RIBC2: variants seen among roughly 807,000 people sequenced by gnomAD.
RIBC2 encodes the protein RIB43A domain with coiled-coils 2, also known as RIB43A-like with coiled-coils protein 2.
RIBC2 carries 40 observed loss-of-function variants against 44.3 expected under a neutral mutation model. The ratio of observed to expected loss-of-function variants is 0.90; its 90% confidence interval spans 0.70 to 1.18. RIBC2 has a LOEUF of 1.18. Ranked by LOEUF, RIBC2 falls within the 50% of genes most tolerant of loss-of-function variation. The pLI, the probability that RIBC2 is intolerant of heterozygous loss-of-function variation, is 0.00. For synonymous variants in RIBC2, 171 were observed against 175.0 expected (o/e 0.98, Z 0.18); for missense variants, 459 against 485.5 (o/e 0.95, Z 0.51).
At chr22:45,430,444 G>T (rs1353845263) in intron 5 of RIBC2, among the ~76,000 whole-genome samples, 8 of 152,202 alleles carry the variant, frequency 5.3e-5, no homozygotes, top group Non-Finnish European at 1.2e-4. Flanking sequence ...ACCGGGTGAG[G>T]CTGTGGTGTC....
intron 3 of RIBC2, among the ~76,000 whole-genome samples, chr22:45,421,155 C>T (rs1030584022): frequency 3.3e-5 from 5 of 151,816 alleles, no homozygotes; most frequent in Admixed American, 1.3e-4. Flanking sequence ...ATTAGCTGGG[C>T]GTGGTGGTGC....
rs751080202 is a variant in RIBC2 at position 45,431,013 on chromosome 22, G to A, written c.1017G>A (p.Leu339=). Reference sequence around the variant, plus strand: ...AGCAGTGGCGGCGGCAGCGCGACCTGCGCAGAGCTCTGGACAGCAGCAACC... The same window carrying A: ...AGCAGTGGCGGCGGCAGCGCGACCTACGCAGAGCTCTGGACAGCAGCAACC... The part of the protein sequence containing the change: ...ERQQWRRQRD[L]RRALDSSNLS... The change falls in exon 6 of 7, where the codon CTG becomes CTA. Residue 339 remains leucine, a synonymous_variant. Coordinates refer to ENST00000614167, the MANE Select transcript of RIBC2 (RefSeq NM_015653.5). 1 of 1,590,112 alleles carries A rather than the reference G, an allele frequency of 6.3e-7. No individual in the cohort carries two copies. The highest frequency in any genetic ancestry group is 8.6e-7 in the Non-Finnish European group (1 of 1,168,908).
chr22:45,426,190 C>T lies in RIBC2; in HGVS notation c.903+15C>T. On this transcript the variant is annotated intron_variant, in intron 5 of 6. Transcript: ENST00000614167. ...AGGAGAAGCTGGTGACTGCCCCGCCCCTTTTTCCAGAGCCCATAGAGCCAG... is the reference window on the plus strand; with the variant it reads ...AGGAGAAGCTGGTGACTGCCCCGCCTCTTTTTCCAGAGCCCATAGAGCCAG... 6.2e-7 allele frequency: 1 copy of T among 1,605,804 alleles called. No homozygotes were observed. The highest frequency in any genetic ancestry group is 8.5e-7 in the Non-Finnish European group (1 of 1,175,282).
chr22:45,426,274 G>A, intron 5 of RIBC2, 99 bp downstream of exon 5: 1 of 1,061,842 alleles, frequency 9.4e-7, no homozygotes. Flanking sequence ...CTTGTGCTCT[G>A]CCCTAGCACC....
chr22:45,430,940 A>T lies in RIBC2; in HGVS notation c.944A>T (p.Asp315Val). The change falls in exon 6 of 7, where the codon GAC (aspartate) becomes GTC (valine). Residue 315 changes from aspartate (D) to valine (V), a missense_variant. Coordinates refer to ENST00000614167, the MANE Select transcript of RIBC2 (RefSeq NM_015653.5). Reference protein sequence around the residue: ...EEKRQRDLDWDRRRIQGARAT... With the variant: ...EEKRQRDLDWVRRRIQGARAT... Reference sequence around the variant, plus strand: ...AAGCGCCAGCGAGACCTGGACTGGGACCGGCGGAGGATTCAGGGGGCTCGC... The same window carrying T: ...AAGCGCCAGCGAGACCTGGACTGGGTCCGGCGGAGGATTCAGGGGGCTCGC... 6.2e-7 allele frequency: 1 copy of T among 1,610,152 alleles called. No homozygotes were observed. Among genetic ancestry groups the T allele is most frequent in the East Asian group, 2.2e-5 (1 of 44,714 alleles).
intron 4 of RIBC2, 121 bp from the exon 5 acceptor site, chr22:45,425,827 G>A: frequency 8.6e-6 from 7 of 811,278 alleles, no homozygotes; most frequent in Non-Finnish European, 1.2e-5. Context: ...CCCTCCACCC[G>A]ACTCCTGCTG....
At chr22:45,414,105 A>G in intron 1 of RIBC2, 90 bp downstream of exon 1, 1 of 1,510,784 alleles carries the variant, frequency 6.6e-7, no homozygotes, top group Non-Finnish European at 8.9e-7. Flanking sequence ...TCTAGGATGA[A>G]ACATCTGAGC....
intron 6 of RIBC2, among the ~76,000 whole-genome samples, chr22:45,431,697 C>T (rs1270624789): frequency 2.6e-5 from 4 of 152,110 alleles, no homozygotes. Context: ...GGGCTGGGCT[C>T]GGTGGCTCAC....
At chr22:45,414,095 T>G in intron 1 of RIBC2, 80 bp downstream of exon 1, 1 of 1,439,804 alleles carries the variant, frequency 6.9e-7, no homozygotes. Context: ...GGAGATGAGT[T>G]CTAGGATGAA....
intron 5 of RIBC2, among the ~76,000 whole-genome samples, chr22:45,430,505 C>T (rs1569212120): frequency 6.6e-6 from 1 of 152,144 alleles, no homozygotes; most frequent in Non-Finnish European, 1.5e-5. Context: ...GTGGGGCAGC[C>T]GGCCATGGCT....
In RIBC2 at chr22:45,413,707, C is replaced by T; in HGVS notation, c.-180C>T. 1 of 1,166,498 alleles carries T rather than the reference C, an allele frequency of 8.6e-7. No individual in the cohort carries two copies. The highest frequency in any genetic ancestry group is 1.2e-6 in the Non-Finnish European group (1 of 821,262). The allele number at this position is 1,166,498 out of a possible 1,614,324, so 72.3% of individuals were successfully genotyped here. Reference sequence around the variant, plus strand: ...CTTAGCAACGAGTTGTTGACATTTCCGAGAGAGCGGGAGCGTCTGTACCTC... The same window carrying T: ...CTTAGCAACGAGTTGTTGACATTTCTGAGAGAGCGGGAGCGTCTGTACCTC... On this transcript the variant is annotated 5_prime_UTR_variant, in exon 1 of 7. Transcript: ENST00000614167.
In RIBC2 at chr22:45,417,700, C is replaced by G. The variant is rs2087438433; in HGVS notation, c.310C>G (p.Gln104Glu). The G allele has an allele frequency of 1.2e-6, 2 of 1,614,124 alleles. No homozygotes were observed. The highest frequency in any genetic ancestry group is 2.2e-5 in the South Asian group (2 of 91,078). ...CTGTAGGGCTATCAATGACTTCCAA[C>G]AGAGCTTTCAGAAGCCAGAAACTCG... ...NLCRAINDFQ[Q>E]SFQKPETRRE... is the part of the protein sequence containing the mutation. Residue 104 changes from glutamine (Q) to glutamate (E), a missense_variant, in exon 3 of 7, where the codon CAG becomes GAG. Transcript: ENST00000614167.
intron 3 of RIBC2, among the ~76,000 whole-genome samples, chr22:45,419,403 C>A (rs992217078): frequency 6.6e-6 from 1 of 152,158 alleles, no homozygotes; most frequent in East Asian, 1.9e-4. Context: ...CAGCTACTTT[C>A]CACACCCTCC....
intron 4 of RIBC2, among the ~76,000 whole-genome samples, chr22:45,424,506 C>A (rs1357859147): frequency 6.6e-6 from 1 of 152,218 alleles, no homozygotes; most frequent in Non-Finnish European, 1.5e-5. Context: ...ATGTGCTAAC[C>A]CTTGCTGGGA....
At chr22:45,418,058 C>T (rs1163288323) in intron 3 of RIBC2, 112 bp downstream of exon 3, 8 of 746,214 alleles carry the variant, frequency 1.1e-5, no homozygotes, top group East Asian at 8.2e-5. Flanking sequence ...TTTAAGCAAC[C>T]CTACAGTTTT....
intron 2 of RIBC2, among the ~76,000 whole-genome samples, chr22:45,415,770 G>T (rs540001644): frequency 6.6e-6 from 1 of 152,226 alleles, no homozygotes; most frequent in African/African-American, 2.4e-5. Context: ...CGCGATCTCA[G>T]CTCACCGCAA....
chr22:45,423,314 T>C (rs1249497835), intron 4 of RIBC2, among the ~76,000 whole-genome samples: 1 of 151,208 alleles, frequency 6.6e-6, no homozygotes, highest in Non-Finnish European at 1.5e-5. Context: ...TGCCTCTCCC[T>C]CCCCCCACAA....
At chr22:45,419,225 C>G (rs1218132285) in intron 3 of RIBC2, among the ~76,000 whole-genome samples, 1 of 152,204 alleles carries the variant, frequency 6.6e-6, no homozygotes, top group Non-Finnish European at 1.5e-5. Context: ...ATAAATTCAT[C>G]TAACTTCTCT....
At chr22:45,425,912 C>A (rs538304985) in intron 4 of RIBC2, 36 bp from the exon 5 acceptor site, 2 of 1,573,770 alleles carry the variant, frequency 1.3e-6, no homozygotes, top group Non-Finnish European at 1.7e-6. Flanking sequence ...CCTGGGGTCA[C>A]TCGGACCATC....
Sources: gnomAD v4.1 joint callset for allele counts (sites outside exome capture counted in the v4.1 genomes callset) on GRCh38, gnomAD v4.1.1 for gene constraint, MANE v1.5 for transcripts, NCBI Gene and HGNC (gene_info 2026-07-23, HGNC 2026-07-21) for gene names.